Variants in NRXN3 observed in about 807,000 individuals in gnomAD.
NRXN3 encodes the protein neurexin III.
NRXN3 carries 32 observed loss-of-function variants against 137.6 expected under a neutral mutation model. The observed-to-expected ratio is 0.23, with a 90% confidence interval of 0.18 to 0.31. The LOEUF is 0.31. Ranked by LOEUF, NRXN3 falls within the 10% of genes least tolerant of loss-of-function variation. The pLI, the probability that NRXN3 is intolerant of heterozygous loss-of-function variation, is 1.00. For missense variants in NRXN3, 1,574 were observed against 2,062.5 expected (o/e 0.76, Z 4.59); for synonymous variants, 798 against 784.5 (o/e 1.02, Z -0.29).
intron 9 of NRXN3, among the ~76,000 whole-genome samples, chr14:78,809,926 TG>T (rs975596316): frequency 1.6e-4 from 24 of 152,058 alleles, no homozygotes; most frequent in African/African-American, 5.8e-4. Flanking sequence ...AACCTGCATT[TG>T]GTGGGGGGAA....
rs143928463 is a variant in NRXN3 at position 79,214,931 on chromosome 14, C to T, written c.3262+226790C>T. ...TTCCTTCCTCCTCTTTTTCCTCTTC[C>T]GTACTTTCTCCAAATTCAGGAGGCA... On this transcript the variant is annotated intron_variant, in intron 15 of 20. Coordinates refer to ENST00000335750, the MANE Select transcript of NRXN3 (RefSeq NM_001330195.2). Among the ~76,000 whole-genome samples the T allele has an allele frequency of 4.0e-3, 602 of 152,168 alleles. 2 individuals carry two copies. The highest frequency in any genetic ancestry group is 6.2e-3 in the Non-Finnish European group (423 of 67,994).
intron 15 of NRXN3, among the ~76,000 whole-genome samples, chr14:79,064,985 C>T (rs1481180777): frequency 6.6e-6 from 1 of 151,750 alleles, no homozygotes; most frequent in Non-Finnish European, 1.5e-5. Context: ...TCCACTTTCT[C>T]CTCAACCAGA....
At chr14:79,418,219 T>A (rs1294594412) in intron 15 of NRXN3, among the ~76,000 whole-genome samples, 1 of 152,120 alleles carries the variant, frequency 6.6e-6, no homozygotes, top group African/African-American at 2.4e-5. Context: ...GATAGCCTAG[T>A]GATGTTTTTC....
intron 2 of NRXN3, among the ~76,000 whole-genome samples, chr14:78,251,351 G>A (rs1005381450): frequency 6.6e-6 from 1 of 152,178 alleles, no homozygotes; most frequent in African/African-American, 2.4e-5. Flanking sequence ...TACAGAGGTG[G>A]ATTTACCATG....
At chr14:79,459,956 C>T (rs1030007354) in intron 15 of NRXN3, among the ~76,000 whole-genome samples, 12 of 151,914 alleles carry the variant, frequency 7.9e-5, no homozygotes, top group African/African-American at 2.4e-4. Flanking sequence ...TTTTCCTTAG[C>T]GGAAGTATCC....
chr14:78,810,302 A>C lies in NRXN3; in HGVS notation c.2249-16A>C. The C allele has an allele frequency of 6.7e-7, 1 of 1,489,568 alleles. No individual in the cohort carries two copies. Among genetic ancestry groups the C allele is most frequent in the Non-Finnish European group, 9.1e-7 (1 of 1,098,640 alleles). The allele number at this position is 1,489,568 out of a possible 1,614,324, so 92.3% of individuals were successfully genotyped here. A position where few individuals can be genotyped will look rare whatever the true frequency, so the allele number is the denominator to read the frequency against. The stretch of plus-strand genomic sequence containing the variant: ...AAGGATGCAATTTCATCTTTCATTT[A>C]TTTTTCCCCATCTAGACTGTATCAG... On this transcript the variant is annotated splice_polypyrimidine_tract_variant and intron_variant, in intron 9 of 20. Coordinates refer to ENST00000335750, the MANE Select transcript of NRXN3 (RefSeq NM_001330195.2).
At chr14:78,703,135 T>C (rs919871910) in intron 6 of NRXN3, among the ~76,000 whole-genome samples, 6 of 152,226 alleles carry the variant, frequency 3.9e-5, no homozygotes, top group Non-Finnish European at 1.5e-5. Flanking sequence ...CCTATATAGT[T>C]AGGAGCAATT....
intron 1 of NRXN3, among the ~76,000 whole-genome samples, chr14:78,204,458 G>A (rs2061993453): frequency 6.6e-6 from 1 of 152,090 alleles, no homozygotes; most frequent in Non-Finnish European, 1.5e-5. Context: ...AATATATTTA[G>A]GGATATTTCT....
At chr14:79,753,714 G>GTAT (rs1286963565) in intron 19 of NRXN3, among the ~76,000 whole-genome samples, 1 of 149,330 alleles carries the variant, frequency 6.7e-6, no homozygotes, top group Admixed American at 6.6e-5. Context: ...AAAACTTAAA[G>GTAT]TATAATAATA....
intron 16 of NRXN3, among the ~76,000 whole-genome samples, chr14:79,565,260 T>TGCACATGTGTGTGTATACATATACGC (rs2097536610): frequency 4.0e-4 from 1 of 2,524 alleles, no homozygotes; most frequent in Non-Finnish European, 9.3e-4. Flanking sequence ...TATATACATA[T>TGCACATGTGTGTGTATACATATACGC]ACACATGTGT....
chr14:79,852,081 C>T (rs1427009919), intron 20 of NRXN3, among the ~76,000 whole-genome samples: 2 of 152,080 alleles, frequency 1.3e-5, no homozygotes, highest in Admixed American at 1.3e-4. Context: ...AACCCTCCCA[C>T]AGAGCAATGT....
intron 1 of NRXN3, among the ~76,000 whole-genome samples, chr14:78,235,013 TATA>T (rs2066039541): frequency 9.8e-6 from 1 of 101,552 alleles, no homozygotes; most frequent in African/African-American, 4.1e-5. Flanking sequence ...TATATATATA[TATA>T]TATATATGTG....
intron 15 of NRXN3, among the ~76,000 whole-genome samples, chr14:79,365,489 G>A (rs1340395328): frequency 6.6e-6 from 1 of 151,772 alleles, no homozygotes; most frequent in Non-Finnish European, 1.5e-5. Context: ...GGAGGCCGAG[G>A]CGGGTGGATC....
intron 4 of NRXN3, among the ~76,000 whole-genome samples, chr14:78,321,384 A>G: frequency 6.6e-6 from 1 of 152,106 alleles, no homozygotes; most frequent in East Asian, 1.9e-4. Context: ...CTTCATAAAG[A>G]ACAGTGATTT....
intron 1 of NRXN3, among the ~76,000 whole-genome samples, chr14:78,217,551 C>T (rs1596005177): frequency 1.3e-5 from 2 of 152,266 alleles, no homozygotes; most frequent in African/African-American, 2.4e-5. Flanking sequence ...TGATATTGAC[C>T]TGCATCCTTC....
chr14:79,557,372 T>C (rs1018172315), intron 16 of NRXN3, among the ~76,000 whole-genome samples: 1 of 152,134 alleles, frequency 6.6e-6, no homozygotes, highest in African/African-American at 2.4e-5. Context: ...ACTCATTATA[T>C]ATGAAAACCC....
chr14:79,668,454 C>T (rs1300355996), intron 17 of NRXN3, among the ~76,000 whole-genome samples: 15 of 152,104 alleles, frequency 9.9e-5, no homozygotes, highest in Non-Finnish European at 1.6e-4. Context: ...GGCTAAATAA[C>T]TTTCCCAGTG....
At chr14:79,088,574 C>T (rs1483395063) in intron 15 of NRXN3, among the ~76,000 whole-genome samples, 2 of 152,052 alleles carry the variant, frequency 1.3e-5, no homozygotes, top group African/African-American at 2.4e-5. Flanking sequence ...TTCCCTATGA[C>T]TTGGGCTTAA....
At chr14:79,343,812 C>T (rs556906792) in intron 15 of NRXN3, among the ~76,000 whole-genome samples, 40 of 152,078 alleles carry the variant, frequency 2.6e-4, no homozygotes, top group Non-Finnish European at 5.1e-4. Context: ...ATCCTTTTTC[C>T]CTTTTTTGAG....
Sources: gnomAD v4.1 joint callset for allele counts (sites outside exome capture counted in the v4.1 genomes callset) on GRCh38, gnomAD v4.1.1 for gene constraint, MANE v1.5 for transcripts, NCBI Gene and HGNC (gene_info 2026-07-23, HGNC 2026-07-21) for gene names.